The following SLCO3A1 variants were observed in gnomAD, a reference collection of about 807,000 sequenced individuals.
SLCO3A1 encodes PGE1 transporter.
A neutral mutation model predicts 63.1 loss-of-function variants in SLCO3A1; 27 were observed. That is an observed-to-expected ratio of 0.43 (90% CI 0.32 to 0.59). The LOEUF is 0.59. Among genes scored for constraint, SLCO3A1 ranks in the 20% least tolerant of loss-of-function variants. The probability of loss-of-function intolerance (pLI) is 0.09; values close to 1 mark genes in which losing one functional copy is unlikely to be tolerated. For missense variants in SLCO3A1, 773 were observed against 945.8 expected, an observed-to-expected ratio of 0.82 and a Z score of 2.40; for synonymous variants, 473 against 409.9, an observed-to-expected ratio of 1.15 and a Z score of -1.86.
intron 2 of SLCO3A1, among the ~76,000 whole-genome samples, chr15:92,024,658 C>G (rs934009106): frequency 2.6e-5 from 4 of 152,082 alleles, no homozygotes; most frequent in African/African-American, 9.7e-5. Context: ...CTGCTTACAT[C>G]CTAGTATAAG....
chr15:92,113,811 C>A (rs991883263), intron 4 of SLCO3A1, among the ~76,000 whole-genome samples: 1 of 152,204 alleles, frequency 6.6e-6, no homozygotes. Context: ...GGCTTAGACA[C>A]CTCCAGAATC....
rs1248237390 is a variant in SLCO3A1 at position 92,123,529 on chromosome 15, A to G, written c.1175-2532A>G. On this transcript the variant is annotated intron_variant, in intron 5 of 9. Transcript: ENST00000318445. ...ACCACAAGTCTTATGTTTTTCTTTT[A>G]CACAAAGAACTCTCTACCACCCACC... 3.3e-5 allele frequency among the ~76,000 whole-genome samples: 5 copies of G among 152,318 alleles called. No individual in the cohort carries two copies. In the East Asian group the frequency reaches 9.6e-4, roughly 29 times the overall value.
Position 92,164,155 on chromosome 15 carries a change from G to A in SLCO3A1, c.*1020G>A. On this transcript the variant is annotated 3_prime_UTR_variant, in exon 10 of 10. Coordinates refer to ENST00000318445, the MANE Select transcript of SLCO3A1 (RefSeq NM_013272.4). ...TCAAGTCACTAACACAGTTCTCTAG[G>A]CCGGATTTATTATGCTGGTTGCTTT... 6.1e-6 allele frequency: 6 copies of A among 984,892 alleles called. No individual in the cohort carries two copies. In the South Asian group the frequency reaches 1.9e-4, roughly 31 times the overall value. 61.0% of individuals were successfully genotyped at this position (984,892 alleles called of 1,614,324 possible).
downstream of SLCO3A1, among the ~76,000 whole-genome samples, chr15:92,167,102 T>G (rs114963636): frequency 2.0e-3 from 311 of 152,360 alleles, 1 homozygote; most frequent in Middle Eastern, 0.014. Context: ...TTTATTTGAT[T>G]TGGTTTAGAT....
intron 2 of SLCO3A1, among the ~76,000 whole-genome samples, chr15:92,060,591 C>T (rs1316056510): frequency 2.6e-5 from 4 of 151,944 alleles, no homozygotes; most frequent in Non-Finnish European, 4.4e-5. Context: ...CCTCCGCCTC[C>T]GGGGTTCAGG....
downstream of SLCO3A1, chr15:92,166,047 TG>T (rs1214769501): frequency 2.8e-6 from 1 of 353,234 alleles, no homozygotes; most frequent in African/African-American, 2.3e-5. Flanking sequence ...GGTTTTGTTT[TG>T]TTTTTTGTTT....
At chr15:91,896,124 A>G (rs571735136) in intron 1 of SLCO3A1, among the ~76,000 whole-genome samples, 3 of 152,330 alleles carry the variant, frequency 2.0e-5, no homozygotes, top group Non-Finnish European at 2.9e-5. Context: ...TAAAACAGGC[A>G]TGGTTTAAGA....
downstream of SLCO3A1, among the ~76,000 whole-genome samples, chr15:92,166,903 C>T (rs1450396019): frequency 6.6e-6 from 1 of 152,186 alleles, no homozygotes; most frequent in Non-Finnish European, 1.5e-5. Flanking sequence ...CCAGCCATGC[C>T]TGCCAGACCT....
chr15:91,955,238 A>T lies in SLCO3A1; in HGVS notation c.646+38780A>T, dbSNP rs1417804123. ...CTGCACACAAGGCCACATAGCCAAG[A>T]TGTGGTAGGGTTGGGATTTGAACCC... On this transcript the variant is annotated intron_variant, in intron 2 of 9. Transcript: ENST00000318445. 2.0e-5 allele frequency among the ~76,000 whole-genome samples: 3 copies of T among 152,116 alleles called. No individual in the cohort carries two copies. The East Asian group carries it at 5.8e-4, about 29-fold the overall frequency.
intron 3 of SLCO3A1, among the ~76,000 whole-genome samples, chr15:92,095,820 G>C (rs1460191406): frequency 6.6e-6 from 1 of 152,168 alleles, no homozygotes. Flanking sequence ...GCCCACAGAA[G>C]TTCCATCCTG....
intron 2 of SLCO3A1, among the ~76,000 whole-genome samples, chr15:92,042,071 G>T (rs1188967788): frequency 1.3e-5 from 2 of 152,156 alleles, no homozygotes; most frequent in African/African-American, 4.8e-5. Context: ...AGCCCCATGT[G>T]ACTCTGGGGT....
chr15:92,158,081 G>A (rs879548), intron 9 of SLCO3A1, among the ~76,000 whole-genome samples: 91,566 of 152,098 alleles, frequency 0.6, 28,018 homozygotes, highest in Middle Eastern at 0.72. Flanking sequence ...CTGCTGACAA[G>A]CATAGTATCT....
chr15:91,869,130 GT>G (rs1449514074), intron 1 of SLCO3A1, among the ~76,000 whole-genome samples: 1 of 152,152 alleles, frequency 6.6e-6, no homozygotes, highest in Non-Finnish European at 1.5e-5. Flanking sequence ...GCCGGGCATG[GT>G]AGCTCGTGCC....
At chr15:92,087,516 A>ATTTTTTTT (rs34074469) in intron 2 of SLCO3A1, among the ~76,000 whole-genome samples, 3 of 121,758 alleles carry the variant, frequency 2.5e-5, no homozygotes, top group African/African-American at 9.4e-5. Context: ...ATTATCTATT[A>ATTTTTTTT]TTTTTTTTTT....
rs150466460 is a variant in SLCO3A1, at chr15:92,108,623, G to A, written c.1009+4081G>A. Among the ~76,000 whole-genome samples, 464 of 152,234 alleles carry A rather than the reference G, an allele frequency of 3.0e-3. 2 individuals are homozygous for A. Among genetic ancestry groups the A allele is most frequent in the African/African-American group, 0.01 (426 of 41,526 alleles). ...TTGTGCTCCATTGTAAGTTGTCTCC[G>A]GCATCTCTTGCCCTGAGAGGCCTTG... On this transcript the variant is annotated intron_variant, in intron 4 of 9. Coordinates refer to ENST00000318445, the MANE Select transcript of SLCO3A1 (RefSeq NM_013272.4).
At chr15:91,962,693 G>T (rs1323323467) in intron 2 of SLCO3A1, among the ~76,000 whole-genome samples, 1 of 151,956 alleles carries the variant, frequency 6.6e-6, no homozygotes, top group Non-Finnish European at 1.5e-5. Context: ...GAGCCTCTTG[G>T]TGATCTCAGG....
intron 2 of SLCO3A1, among the ~76,000 whole-genome samples, chr15:91,960,355 A>G (rs1900399033): frequency 6.6e-6 from 1 of 152,208 alleles, no homozygotes; most frequent in South Asian, 2.1e-4. Flanking sequence ...TGTAATGGGT[A>G]TGGAGACACC....
At chr15:91,988,298 A>C (rs1203336094) in intron 2 of SLCO3A1, among the ~76,000 whole-genome samples, 1 of 151,792 alleles carries the variant, frequency 6.6e-6, no homozygotes, top group Non-Finnish European at 1.5e-5. Flanking sequence ...CCGTGATTGC[A>C]CCACTGCACT....
At chr15:92,170,359 TTC>T (rs2048514828), downstream of SLCO3A1, among the ~76,000 whole-genome samples, 1 of 152,126 alleles carries the variant, frequency 6.6e-6, no homozygotes, top group African/African-American at 2.4e-5. Flanking sequence ...ACGTGCCGGG[TTC>T]TGTGAATTCA....
Sources: allele counts gnomAD v4.1 joint callset (sites outside exome capture counted in the v4.1 genomes callset), GRCh38; gene constraint gnomAD v4.1.1; transcripts MANE v1.5; gene names NCBI Gene and HGNC (gene_info 2026-07-23, HGNC 2026-07-21).